The following DOCK2 variants were observed in gnomAD, a reference collection of about 807,000 sequenced individuals.
The protein encoded by DOCK2 is dedicator of cytokinesis protein 2.
In DOCK2, 87 loss-of-function variants were observed where a neutral mutation model predicts 248.9. The ratio of observed to expected loss-of-function variants is 0.35; its 90% CI spans 0.29 to 0.42. The LOEUF is 0.42. Ranked by LOEUF, DOCK2 falls within the 10% of genes least tolerant of loss-of-function variation. The pLI is 1.00. For missense variants in DOCK2, 1,747 were observed against 2,300.2 expected, an observed-to-expected ratio of 0.76 and a Z score of 4.92; for synonymous variants, 805 against 821.6, an observed-to-expected ratio of 0.98 and a Z score of 0.35.
intron 32 of DOCK2, among the ~76,000 whole-genome samples, chr5:170,010,833 A>G (rs1301050817): frequency 2.0e-5 from 3 of 152,168 alleles, no homozygotes; most frequent in East Asian, 1.9e-4. Context: ...CAAAACAGGG[A>G]TCTGTGCTTT....
chr5:169,699,206 C>G (rs1473651418), intron 11 of DOCK2, among the ~76,000 whole-genome samples, 176 bp from the exon 12 acceptor site: 7 of 152,178 alleles, frequency 4.6e-5, no homozygotes, highest in Non-Finnish European at 7.3e-5. Flanking sequence ...TTCAGAGCCA[C>G]ATTGCTTTGT....
At chr5:169,781,273 T>C (rs533657431) in intron 25 of DOCK2, among the ~76,000 whole-genome samples, 1 of 152,188 alleles carries the variant, frequency 6.6e-6, no homozygotes, top group South Asian at 2.1e-4. Flanking sequence ...TGGGAATTGA[T>C]TTTTTTTCTC....
intron 27 of DOCK2, among the ~76,000 whole-genome samples, chr5:169,957,976 C>T (rs1202311281): frequency 6.6e-6 from 1 of 152,188 alleles, no homozygotes; most frequent in Non-Finnish European, 1.5e-5. Flanking sequence ...AGAGGTCCTA[C>T]CAGCTCACCT....
intron 22 of DOCK2, among the ~76,000 whole-genome samples, chr5:169,720,097 C>A (rs1333476368): frequency 2.0e-5 from 3 of 152,206 alleles, no homozygotes; most frequent in Non-Finnish European, 2.9e-5. Context: ...TGCGACAGAA[C>A]AAATGCACTT....
At chr5:169,670,891 G>A (rs553967054) in intron 4 of DOCK2, among the ~76,000 whole-genome samples, 187 bp from the exon 5 acceptor site, 2 of 152,304 alleles carry the variant, frequency 1.3e-5, no homozygotes, top group South Asian at 2.1e-4. Context: ...CCACCCTAGC[G>A]AAGGAGGACA....
intron 27 of DOCK2, among the ~76,000 whole-genome samples, chr5:169,967,315 A>G (rs556383641): frequency 6.6e-6 from 1 of 152,300 alleles, no homozygotes; most frequent in Admixed American, 6.5e-5. Context: ...AGTAGAGGTG[A>G]CTATGTCAAT....
At chr5:169,683,513 G>A (rs1368429740) in intron 7 of DOCK2, among the ~76,000 whole-genome samples, 1 of 152,134 alleles carries the variant, frequency 6.6e-6, no homozygotes, top group Admixed American at 6.5e-5. Flanking sequence ...TTACAGGTGT[G>A]AGCCACCACG....
intron 29 of DOCK2, among the ~76,000 whole-genome samples, chr5:169,991,136 C>G (rs999086805): frequency 1.2e-4 from 18 of 152,244 alleles, no homozygotes; most frequent in Non-Finnish European, 1.9e-4. Flanking sequence ...GAAGGTGACC[C>G]TGGCAGGCTT....
intron 50 of DOCK2, 89 bp downstream of exon 50, chr5:170,080,372 A>G: frequency 6.4e-7 from 1 of 1,569,168 alleles, no homozygotes; most frequent in Non-Finnish European, 8.7e-7. Context: ...AACTGTGTCT[A>G]CACAACAAAG....
intron 22 of DOCK2, among the ~76,000 whole-genome samples, chr5:169,743,691 G>A (rs766761145): frequency 4.6e-5 from 7 of 151,852 alleles, no homozygotes; most frequent in African/African-American, 7.3e-5. Flanking sequence ...ATAGCAAAGC[G>A]CTTTATATGA....
chr5:169,980,640 A>G (rs1777909506), intron 27 of DOCK2: 1 of 152,116 alleles, frequency 6.6e-6, no homozygotes, highest in Non-Finnish European at 1.5e-5. Flanking sequence ...CCTACACCCC[A>G]CAAATGCTAA....
At chr5:169,652,351 G>C (rs904289442) in intron 1 of DOCK2, among the ~76,000 whole-genome samples, 2 of 152,230 alleles carry the variant, frequency 1.3e-5, no homozygotes, top group Non-Finnish European at 2.9e-5. Context: ...CTTGAGGCCA[G>C]AGCCAGGAAA....
chr5:169,739,034 G>A (rs531272846), intron 22 of DOCK2, among the ~76,000 whole-genome samples: 2 of 152,288 alleles, frequency 1.3e-5, no homozygotes, highest in East Asian at 1.9e-4. Flanking sequence ...TATTGCACAT[G>A]CATTTTTAAA....
intron 6 of DOCK2, among the ~76,000 whole-genome samples, chr5:169,681,377 G>T (rs1226448959): frequency 6.6e-6 from 1 of 151,098 alleles, no homozygotes; most frequent in African/African-American, 2.4e-5. Context: ...ACCCACCTCG[G>T]CCTCCCAAAG....
chr5:170,013,769 A>C (rs1755400980), intron 32 of DOCK2, among the ~76,000 whole-genome samples: 1 of 152,056 alleles, frequency 6.6e-6, no homozygotes, highest in Admixed American at 6.6e-5. Flanking sequence ...GTTTGTGGTG[A>C]TTTATAACAA....
chr5:169,862,884 C>T (rs1000015028), intron 27 of DOCK2, among the ~76,000 whole-genome samples: 1 of 152,196 alleles, frequency 6.6e-6, no homozygotes, highest in African/African-American at 2.4e-5. Flanking sequence ...AGCTTAGACA[C>T]TGGATCTTCA....
intron 27 of DOCK2, among the ~76,000 whole-genome samples, chr5:169,928,155 G>A (rs1287460272): frequency 2.0e-5 from 3 of 152,138 alleles, no homozygotes; most frequent in Non-Finnish European, 4.4e-5. Context: ...TGCAACTCAG[G>A]ATCAGCCACC....
In DOCK2 at chr5:170,041,071, C is replaced by T. The variant is rs753671821; in HGVS notation, c.3682C>T (p.Arg1228Cys). Residue 1228 changes from arginine (R) to cysteine (C), a missense_variant, in exon 37 of 52, where the codon CGC becomes TGC. Around this residue, in one of 4 missense-constraint regions of DOCK2, gnomAD observed 858 missense variants for 1,183.5 expected, o/e 0.72. Transcript: ENST00000520908. ...CTCAAACAGGTACCTGTACAAACTC[C>T]GCGATCTTCACCTGGACTGTGACAA... ...EMYIRYLYKL[R>C]DLHLDCDNYT... 7.4e-6 allele frequency: 12 copies of T among 1,614,030 alleles called. No homozygotes were observed. The highest frequency in any genetic ancestry group is 6.7e-5 in the Admixed American group (4 of 60,014).
intron 25 of DOCK2, among the ~76,000 whole-genome samples, chr5:169,796,178 A>C (rs534307184): frequency 3.9e-5 from 6 of 152,292 alleles, no homozygotes; most frequent in African/African-American, 1.4e-4. Context: ...CTCTTCCCCA[A>C]CACTAAGAGA....
Sources: gnomAD v4.1 joint callset for allele counts (sites outside exome capture counted in the v4.1 genomes callset) on GRCh38, gnomAD v4.1.1 for gene constraint, gnomAD v4.1.1 regional missense constraint, MANE v1.5 for transcripts, NCBI Gene and HGNC (gene_info 2026-07-23, HGNC 2026-07-21) for gene names.